CDKL1: variants seen among roughly 807,000 people sequenced by gnomAD.
CDKL1 encodes the protein cyclin-dependent kinase-like 1.
CDKL1 carries 41 observed loss-of-function variants against 42.0 expected under a neutral mutation model. The ratio of observed to expected loss-of-function variants is 0.98; its 90% CI spans 0.76 to 1.27. The LOEUF is 1.27. Among genes scored for constraint, CDKL1 ranks in the 50% most tolerant of loss-of-function variants. CDKL1 has a pLI of 0.00. For synonymous variants in CDKL1, 153 were observed against 158.6 expected (o/e 0.96, Z 0.26); for missense variants, 394 against 428.4 (o/e 0.92, Z 0.71).
intron 2 of CDKL1, among the ~76,000 whole-genome samples, chr14:50,379,323 G>C (rs1169649046): frequency 1.3e-5 from 2 of 152,166 alleles, no homozygotes; most frequent in African/African-American, 2.4e-5. Flanking sequence ...CCTACCACCT[G>C]ATTATGTTTC....
intron 6 of CDKL1, among the ~76,000 whole-genome samples, chr14:50,339,921 A>G (rs1188103573): frequency 1.3e-5 from 2 of 152,176 alleles, no homozygotes; most frequent in Non-Finnish European, 2.9e-5. Context: ...CAGGGTATCA[A>G]ATTATTACTG....
intron 2 of CDKL1, among the ~76,000 whole-genome samples, chr14:50,375,180 C>G (rs2034695565): frequency 6.6e-6 from 1 of 152,120 alleles, no homozygotes; most frequent in East Asian, 1.9e-4. Flanking sequence ...CTTGCAGTGC[C>G]AGAAAATAAT....
At chr14:50,356,644 C>T (rs572812826) in intron 3 of CDKL1, among the ~76,000 whole-genome samples, 1 of 152,188 alleles carries the variant, frequency 6.6e-6, no homozygotes, top group Non-Finnish European at 1.5e-5. Flanking sequence ...CACATGGACA[C>T]AGGAAGGGGA....
At chr14:50,335,844 T>G in intron 7 of CDKL1, 1 of 1,286,134 alleles carries the variant, frequency 7.8e-7, no homozygotes, top group South Asian at 1.5e-5. Flanking sequence ...TAACCAATTC[T>G]GGATTGTACA....
chr14:50,370,086 T>G (rs2034548923), intron 2 of CDKL1, among the ~76,000 whole-genome samples: 1 of 151,434 alleles, frequency 6.6e-6, no homozygotes, highest in Non-Finnish European at 1.5e-5. Flanking sequence ...TTTTTTTCTT[T>G]GAGACAGAGT....
At chr14:50,342,662 T>A (rs1259550970) in intron 4 of CDKL1, 2 of 242,634 alleles carry the variant, frequency 8.2e-6, no homozygotes, top group East Asian at 1.4e-4. Flanking sequence ...AGGGAAAATG[T>A]TGAAAGGTCC....
At chr14:50,358,172 C>T (rs761371888) in intron 3 of CDKL1, 83 of 1,295,682 alleles carry the variant, frequency 6.4e-5, no homozygotes, top group Admixed American at 4.7e-4. Context: ...GTAAGATCAG[C>T]GGAGCCCCCG....
intron 5 of CDKL1, among the ~76,000 whole-genome samples, chr14:50,341,456 T>TGGGG (rs10598932): frequency 4.2e-5 from 3 of 71,690 alleles, no homozygotes; most frequent in South Asian, 9.4e-4. Context: ...GGGGAGGGTC[T>TGGGG]GGGGGGGGGG....
intron 3 of CDKL1, among the ~76,000 whole-genome samples, chr14:50,346,754 G>A (rs1012434832): frequency 6.7e-6 from 1 of 149,928 alleles, no homozygotes; most frequent in African/African-American, 2.5e-5. Flanking sequence ...AGGTTCAAGC[G>A]ATTCTCCTGC....
chr14:50,374,210 G>C (rs1226178802), intron 2 of CDKL1, among the ~76,000 whole-genome samples: 1 of 152,198 alleles, frequency 6.6e-6, no homozygotes, highest in Admixed American at 6.5e-5. Context: ...ATGACATTCT[G>C]GAAAGGTAAA....
chr14:50,349,507 G>A (rs971063952), intron 3 of CDKL1, among the ~76,000 whole-genome samples: 2 of 152,204 alleles, frequency 1.3e-5, no homozygotes, highest in Non-Finnish European at 2.9e-5. Context: ...GGCAGAGGGA[G>A]ATGACGGGAT....
At chr14:50,332,516 G>T in intron 8 of CDKL1, 84 bp from the exon 9 acceptor site, 1 of 1,521,888 alleles carries the variant, frequency 6.6e-7, no homozygotes, top group South Asian at 1.3e-5. Flanking sequence ...TTTGAAAGAT[G>T]AAACTTCAGT....
At chr14:50,355,828 T>C (rs958218930) in intron 3 of CDKL1, among the ~76,000 whole-genome samples, 1 of 152,214 alleles carries the variant, frequency 6.6e-6, no homozygotes, top group Admixed American at 6.5e-5. Context: ...AACCCACGTT[T>C]GCTGAGCAAA....
intron 3 of CDKL1, 60 bp from the exon 4 acceptor site, chr14:50,345,118 G>A: frequency 1.4e-6 from 2 of 1,456,142 alleles, no homozygotes; most frequent in Admixed American, 1.9e-5. Context: ...TTCAGCTCAA[G>A]AAAAGAAAAA....
chr14:50,356,745 T>C (rs925882821), intron 3 of CDKL1, among the ~76,000 whole-genome samples: 1 of 152,222 alleles, frequency 6.6e-6, no homozygotes, highest in African/African-American at 2.4e-5. Context: ...ATCTTATATT[T>C]GGCAAATCAT....
intron 8 of CDKL1, chr14:50,333,987 A>G (rs915657587): frequency 1.3e-5 from 2 of 151,852 alleles, no homozygotes; most frequent in Admixed American, 6.6e-5. Flanking sequence ...GGATTTTCTG[A>G]AGAAAAAGTT....
At chr14:50,371,242 T>C (rs889710104) in intron 2 of CDKL1, among the ~76,000 whole-genome samples, 1 of 152,238 alleles carries the variant, frequency 6.6e-6, no homozygotes, top group Non-Finnish European at 1.5e-5. Context: ...AAATTTCACT[T>C]TTGGGTAAAT....
intron 2 of CDKL1, among the ~76,000 whole-genome samples, chr14:50,392,864 T>C (rs2035298960): frequency 6.6e-6 from 1 of 152,126 alleles, no homozygotes; most frequent in African/African-American, 2.4e-5. Context: ...AATCTCCTCA[T>C]TCTTCCAGTC....
At chr14:50,332,578 T>G in intron 8 of CDKL1, 146 bp from the exon 9 acceptor site, 1 of 1,480,262 alleles carries the variant, frequency 6.8e-7, no homozygotes, top group South Asian at 1.3e-5. Context: ...TGATTTTAGT[T>G]CCTTCCAGTC....
Sources: allele counts gnomAD v4.1 joint callset (sites outside exome capture counted in the v4.1 genomes callset), GRCh38; gene constraint gnomAD v4.1.1; transcripts MANE v1.5; gene names NCBI Gene and HGNC (gene_info 2026-07-23, HGNC 2026-07-21).